Variants in MTOR observed in about 807,000 individuals in gnomAD.
MTOR encodes mechanistic target of rapamycin kinase.
Under a neutral mutation model 319.8 loss-of-function variants are expected in MTOR, and 70 were observed. The ratio of observed to expected loss-of-function variants is 0.22; its 90% confidence interval spans 0.18 to 0.27. The LOEUF is 0.27. Among genes scored for constraint, MTOR ranks in the 10% least tolerant of loss-of-function variants. The probability of loss-of-function intolerance (pLI) is 1.00; values close to 1 mark genes in which losing one functional copy is unlikely to be tolerated. For missense variants in MTOR, 1,890 were observed against 3,274.4 expected (o/e 0.58, Z 10.32); for synonymous variants, 1,183 against 1,211.4 (o/e 0.98, Z 0.49).
chr1:11,240,325 C>T lies in MTOR; in HGVS notation c.1764G>A (p.Thr588=), dbSNP rs761376649. 8.3e-6 allele frequency: 13 copies of T among 1,571,830 alleles called. No individual in the cohort carries two copies. Among genetic ancestry groups the T allele is most frequent in the Non-Finnish European group, 1.1e-5 (13 of 1,158,694 alleles). ...TACCTTCAAATTCAAAGCTGCCAAG[C>T]GTTCGGAGGGCAAGAGTGATGCTGC... ...DVGSITLALR[T]LGSFEFEGHS... The change falls in exon 11 of 58, where the codon ACG becomes ACA. Residue 588 remains threonine, a synonymous_variant. Transcript: ENST00000361445.
chr1:11,116,864 G>A (rs1642193536), intron 50 of MTOR, 140 bp downstream of exon 50: 3 of 666,168 alleles, frequency 4.5e-6, no homozygotes, highest in Admixed American at 5.7e-5. Context: ...TAAGGCTAAT[G>A]TTGTAAAAGA....
At chr1:11,215,026 AG>A (rs1414959317) in intron 20 of MTOR, among the ~76,000 whole-genome samples, 1 of 152,200 alleles carries the variant, frequency 6.6e-6, no homozygotes, top group African/African-American at 2.4e-5. Context: ...CAACAGTCAA[AG>A]GAAGAGCCCC....
chr1:11,167,644 TC>T (rs1644688002), intron 28 of MTOR, 127 bp from the exon 29 acceptor site: 1 of 711,882 alleles, frequency 1.4e-6, no homozygotes, highest in South Asian at 1.5e-5. Context: ...TGAAAGAGTA[TC>T]AATTATCTAT....
chr1:11,240,619 T>C (rs964375862), intron 10 of MTOR, 72 bp from the exon 11 acceptor site: 21 of 1,544,402 alleles, frequency 1.4e-5, no homozygotes, highest in Admixed American at 1.9e-5. Context: ...AAGAAACAGC[T>C]TTCTCTCCCA....
chr1:11,125,771 G>A (rs1412795455), intron 46 of MTOR, among the ~76,000 whole-genome samples: 1 of 149,718 alleles, frequency 6.7e-6, no homozygotes, highest in Non-Finnish European at 1.5e-5. Flanking sequence ...GCTGGGCGCA[G>A]TGGTTCACAC....
intron 20 of MTOR, 64 bp from the exon 21 acceptor site, chr1:11,213,630 G>C: frequency 2.0e-6 from 3 of 1,523,494 alleles, no homozygotes; most frequent in South Asian, 1.2e-5. Flanking sequence ...ATGAACAAAG[G>C]AATCAAGATG....
At chr1:11,255,068 A>G (rs1227221538) in intron 5 of MTOR, among the ~76,000 whole-genome samples, 1 of 152,132 alleles carries the variant, frequency 6.6e-6, no homozygotes, top group African/African-American at 2.4e-5. Flanking sequence ...GAGATGTCTT[A>G]TAATTAATTA....
chr1:11,157,361 C>T (rs1644351289), intron 29 of MTOR, 70 bp from the exon 30 acceptor site: 1 of 1,538,862 alleles, frequency 6.5e-7, no homozygotes. Flanking sequence ...AATCCACATA[C>T]TCTCTTTCCT....
chr1:11,210,941 AT>A, intron 23 of MTOR, 35 bp from the exon 24 acceptor site: 1 of 1,339,874 alleles, frequency 7.5e-7, no homozygotes, highest in Non-Finnish European at 1.1e-6. Flanking sequence ...AGAAACTATC[AT>A]TTTGGAGAGT....
rs775663500 is a variant in MTOR at position 11,154,521 on chromosome 1, C to CTA, written c.4469+2630_4469+2631insTA. Among the ~76,000 whole-genome samples the CTA allele has an allele frequency of 3.3e-3, 489 of 148,448 alleles. 5 individuals are homozygous for CTA. The East Asian group carries it at 0.034, about 10-fold the overall frequency. The stretch of plus-strand genomic sequence containing the variant: ...AATAATTGTGGAATATTATCTCTCT[C>CTA]TCTATATATATATATATGATCCAAT... On this transcript the variant is annotated intron_variant, in intron 30 of 57. Coordinates refer to ENST00000361445, the MANE Select transcript of MTOR (RefSeq NM_004958.4).
intron 1 of MTOR, among the ~76,000 whole-genome samples, chr1:11,260,935 G>C (rs1651035095): frequency 6.6e-6 from 1 of 151,610 alleles, no homozygotes. Flanking sequence ...GACTACAGAT[G>C]TGCAGCACCA....
At position 11,112,856 on chromosome 1, in the gene MTOR, T is replaced by C; in HGVS notation, c.7362A>G (p.Ser2454=). 6.2e-7 allele frequency: 1 copy of C among 1,614,226 alleles called. No homozygotes were observed. ...ACCTCCCGTGGATGCACCTACCGAC[T>C]GACTGGCCAGCAGAGTAGGAATCCG... is the stretch of plus-strand genomic sequence containing the variant. The part of the protein sequence containing the change: ...TRTDSYSAGQ[S]VEILDGVELG... Residue 2454 remains serine, a synonymous_variant, in exon 54 of 58, where the codon TCA becomes TCG. Transcript: ENST00000361445.
chr1:11,210,962 G>T, intron 23 of MTOR, 56 bp from the exon 24 acceptor site: 1 of 1,094,900 alleles, frequency 9.1e-7, no homozygotes, highest in Non-Finnish European at 1.4e-6. Flanking sequence ...TGGAGAAAAA[G>T]TAGAGGAAAA....
At chr1:11,143,248 T>TA (rs1643799884) in intron 34 of MTOR, among the ~76,000 whole-genome samples, 1 of 152,192 alleles carries the variant, frequency 6.6e-6, no homozygotes, top group African/African-American at 2.4e-5. Context: ...CACGAAGGCT[T>TA]AAGGTGGTGG....
At chr1:11,118,553 C>T (rs1642316934) in intron 49 of MTOR, among the ~76,000 whole-genome samples, 2 of 148,740 alleles carry the variant, frequency 1.3e-5, no homozygotes, top group Middle Eastern at 3.5e-3. Flanking sequence ...TTTTAAGAGA[C>T]GATCTCACTA....
At chr1:11,163,931 A>G (rs1481589111) in intron 29 of MTOR, among the ~76,000 whole-genome samples, 1 of 152,226 alleles carries the variant, frequency 6.6e-6, no homozygotes, top group African/African-American at 2.4e-5. Context: ...AATAACTAAG[A>G]TCAGAGCAGA....
At chr1:11,181,333 A>G (rs1645139362) in intron 28 of MTOR, among the ~76,000 whole-genome samples, 1 of 152,112 alleles carries the variant, frequency 6.6e-6, no homozygotes. Flanking sequence ...TATATTATAC[A>G]ATAAGGAAGC....
At position 11,127,832 on chromosome 1, in the gene MTOR, A is replaced by G. The variant is rs768736624; in HGVS notation, c.6034-26T>C. 2.5e-6 allele frequency: 4 copies of G among 1,604,290 alleles called. No homozygotes were observed. The African/African-American group carries it at 4.0e-5, about 16-fold the overall frequency. ...CTGAAGCCAAGAGAAGAAGGAGAGA[A>G]GCATCAAGAATCAGCTAACCTCAGA... is the stretch of plus-strand genomic sequence containing the variant. On this transcript the variant is annotated intron_variant, in intron 43 of 57. Transcript: ENST00000361445. The surrounding 1 kb of genome is among the most constrained non-coding windows in gnomAD (Gnocchi z 5.5).
In MTOR at chr1:11,127,840, G is replaced by T; in HGVS notation, c.6034-34C>A. 6.3e-7 allele frequency: 1 copy of T among 1,599,148 alleles called. No homozygotes were observed. The highest frequency in any genetic ancestry group is 1.1e-5 in the South Asian group (1 of 88,972). On this transcript the variant is annotated intron_variant, in intron 43 of 57. Transcript: ENST00000361445. The surrounding 1 kb of genome is among the most constrained non-coding windows in gnomAD (Gnocchi z 5.5). ...AAGAGAAGAAGGAGAGAAGCATCAA[G>T]AATCAGCTAACCTCAGAAAGGTCTG... is the stretch of plus-strand genomic sequence containing the variant.
Sources: allele counts gnomAD v4.1 joint callset (sites outside exome capture counted in the v4.1 genomes callset), GRCh38; gene constraint gnomAD v4.1.1; non-coding constraint Gnocchi (gnomAD v3.1); transcripts MANE v1.5; gene names NCBI Gene and HGNC (gene_info 2026-07-23, HGNC 2026-07-21).